FREM3: variants seen among roughly 807,000 people sequenced by gnomAD.
FREM3 encodes FRAS1 related extracellular matrix 3.
Under a neutral mutation model 129.1 loss-of-function variants are expected in FREM3, and 105 were observed. That is an observed-to-expected ratio of 0.81 (90% CI 0.69 to 0.96). The LOEUF (loss-of-function observed/expected upper bound fraction) is 0.96. FREM3 is among the 40% of genes least tolerant of loss of function. The pLI is 0.00. For missense variants in FREM3, 2,593 were observed against 2,666.3 expected (o/e 0.97, Z 0.61); for synonymous variants, 1,014 against 1,044.9 (o/e 0.97, Z 0.57).
intron 4 of FREM3, among the ~76,000 whole-genome samples, chr4:143,621,420 G>A (rs1218746470): frequency 6.6e-6 from 1 of 152,108 alleles, no homozygotes; most frequent in Non-Finnish European, 1.5e-5. Context: ...AAATCTTGCA[G>A]CAATTTCATG....
At chr4:143,582,861 A>G (rs1287827646) in intron 7 of FREM3, among the ~76,000 whole-genome samples, 3 of 151,594 alleles carry the variant, frequency 2.0e-5, no homozygotes, top group Non-Finnish European at 4.4e-5. Flanking sequence ...TCATAATACG[A>G]TTGAAAATAT....
intron 6 of FREM3, among the ~76,000 whole-genome samples, chr4:143,594,304 C>A (rs4835205): frequency 6.6e-6 from 1 of 152,070 alleles, no homozygotes; most frequent in Non-Finnish European, 1.5e-5. Context: ...AGAAATCACC[C>A]GTCTTCTGTG....
At chr4:143,603,628 TTATCTATATGAGAAAGAAAAAA>T (rs1370340856) in intron 6 of FREM3, among the ~76,000 whole-genome samples, 2 of 152,146 alleles carry the variant, frequency 1.3e-5, no homozygotes, top group Admixed American at 1.3e-4. Context: ...AATTTGTGTA[TTATCTATATGAGAAAGAAAAAA>T]AAACCTTTTT....
At position 143,698,034 on chromosome 4, in the gene FREM3, T is replaced by C. The variant is rs1740613550; in HGVS notation, c.2642A>G (p.Lys881Arg). ...AGATTCCCCTGGGACCATACATCTT[T>C]TAAAGTACTGCAAGTGTCCATGTTG... The part of the protein sequence containing the change: ...GPQHGHLQYF[K>R]RCMVPGESFM... Residue 881 changes from lysine (K) to arginine (R), a missense_variant, in exon 1 of 8, where the codon AAA (lysine) becomes AGA (arginine). Physicochemically the swap from Lys to Arg is conservative, Grantham distance 26 (BLOSUM62 2). Transcript: ENST00000329798. The C allele has an allele frequency of 6.5e-7, 1 of 1,537,244 alleles. No homozygotes were observed. The highest frequency in any genetic ancestry group is 2.0e-5 in the Admixed American group (1 of 50,988).
rs1409132694 is a variant in FREM3 at position 143,677,077 on chromosome 4, A to G, written c.5275+16036T>C. 2.6e-5 allele frequency among the ~76,000 whole-genome samples: 4 copies of G among 152,238 alleles called. No individual in the cohort carries two copies. The South Asian group carries it at 6.2e-4, about 24-fold the overall frequency. On this transcript the variant is annotated intron_variant, in intron 2 of 7. Coordinates refer to ENST00000329798, the MANE Select transcript of FREM3 (RefSeq NM_001168235.2). Reference sequence around the variant, plus strand: ...CATATGGAACCAAAAAAGAGCCCGCATTGCCAAGTCAATCCTAAGCCAAAA... The same window carrying G: ...CATATGGAACCAAAAAAGAGCCCGCGTTGCCAAGTCAATCCTAAGCCAAAA...
chr4:143,612,619 T>G (rs892360002), intron 5 of FREM3, among the ~76,000 whole-genome samples: 17 of 152,188 alleles, frequency 1.1e-4, no homozygotes, highest in African/African-American at 4.1e-4. Flanking sequence ...CACAATTACT[T>G]TTGCACCAAC....
chr4:143,667,088 G>A (rs1424063515), intron 2 of FREM3, among the ~76,000 whole-genome samples: 2 of 152,038 alleles, frequency 1.3e-5, no homozygotes, highest in African/African-American at 2.4e-5. Context: ...TGATAATAAA[G>A]TATCTGTAAT....
In FREM3 at chr4:143,621,066, T is replaced by G; in HGVS notation, c.5750A>C (p.Glu1917Ala). ...ACGTGTGGAGCAAATGACGATTAGT[T>G]CCTGGCTTGCATCTCCAGATCGTCT... is the stretch of plus-strand genomic sequence containing the variant. ...PVRRSGDASQ[E>A]LIVICSTRQG... The change falls in exon 5 of 8, where the codon GAA (glutamate) becomes GCA (alanine). Residue 1917 changes from glutamate to alanine, a missense_variant. Around this residue, in one of 2 missense-constraint regions of FREM3, gnomAD observed 317 missense variants for 399.0 expected, o/e 0.79. Transcript: ENST00000329798. 3 of 1,537,336 alleles carry G rather than the reference T, an allele frequency of 2.0e-6. No homozygotes were observed. The highest frequency in any genetic ancestry group is 2.6e-6 in the Non-Finnish European group (3 of 1,146,908).
intron 5 of FREM3, among the ~76,000 whole-genome samples, chr4:143,619,070 C>T (rs929116235): frequency 5.9e-5 from 9 of 152,202 alleles, no homozygotes; most frequent in African/African-American, 2.2e-4. Flanking sequence ...GGGGGCAGCT[C>T]TTGTCCAGTT....
intron 6 of FREM3, among the ~76,000 whole-genome samples, chr4:143,593,387 T>C (rs1367291609): frequency 7.5e-5 from 11 of 147,538 alleles, no homozygotes; most frequent in South Asian, 2.2e-4. Flanking sequence ...TGGTCTTTGA[T>C]GATGGTGACG....
At chr4:143,634,783 T>G (rs1467502772) in intron 2 of FREM3, among the ~76,000 whole-genome samples, 1 of 152,048 alleles carries the variant, frequency 6.6e-6, no homozygotes, top group East Asian at 1.9e-4. Context: ...GCTCCCTGAC[T>G]TCTGAAGTCA....
rs564668095 is a variant in FREM3 at position 143,697,460 on chromosome 4, G to C, written c.3216C>G (p.Val1072=). The C allele has an allele frequency of 6.5e-7, 1 of 1,537,234 alleles. No homozygotes were observed. Among genetic ancestry groups the C allele is most frequent in the East Asian group, 2.4e-5 (1 of 40,914 alleles). Reference sequence around the variant, plus strand: ...AGACAATGAAGGACTCCCCGACGAAGACCTTGGGTCCCACATTGTCCACAG... The same window carrying C: ...AGACAATGAAGGACTCCCCGACGAACACCTTGGGTCCCACATTGTCCACAG... ...VLPVDNVGPK[V]FVGESFIVYE... is the part of the protein sequence containing the mutation. The change falls in exon 1 of 8, where the codon GTC becomes GTG. Residue 1072 remains valine (V), a synonymous_variant. Coordinates refer to ENST00000329798, the MANE Select transcript of FREM3 (RefSeq NM_001168235.2).
intron 2 of FREM3, among the ~76,000 whole-genome samples, chr4:143,674,457 T>C (rs776923440): frequency 3.9e-5 from 6 of 152,148 alleles, no homozygotes; most frequent in Admixed American, 6.6e-5. Flanking sequence ...GTAAAGACCA[T>C]TGATGCTAGA....
intron 6 of FREM3, among the ~76,000 whole-genome samples, chr4:143,590,429 T>C (rs1738337248): frequency 6.6e-6 from 1 of 152,246 alleles, no homozygotes; most frequent in Non-Finnish European, 1.5e-5. Flanking sequence ...CCTAATTTAT[T>C]GAGAGTTTTT....
intron 2 of FREM3, among the ~76,000 whole-genome samples, chr4:143,634,134 G>A (rs1002123579): frequency 1.3e-5 from 2 of 152,048 alleles, no homozygotes; most frequent in African/African-American, 4.8e-5. Context: ...TGGGAGTTTG[G>A]TTTTAATTTG....
chr4:143,616,066 G>C (rs1278687984), intron 5 of FREM3, among the ~76,000 whole-genome samples: 1 of 152,202 alleles, frequency 6.6e-6, no homozygotes, highest in Non-Finnish European at 1.5e-5. Flanking sequence ...CACAGATTCA[G>C]ATCAAATACA....
rs886728560 is a variant in FREM3, at chr4:143,697,851, C to A, written c.2825G>T (p.Ser942Ile). ...ACTACTTCTGAGAGAGATCCTAGGA[C>A]TTCTGTTAGCCACATTGGGATGCAC... ...ISVHPNVANR[S>I]PRISLRSSSL... The change falls in exon 1 of 8, where the codon AGT (serine) becomes ATT (isoleucine). Residue 942 changes from serine to isoleucine, a missense_variant. Transcript: ENST00000329798. The A allele has an allele frequency of 6.5e-7, 1 of 1,537,800 alleles. No homozygotes were observed. Among genetic ancestry groups the A allele is most frequent in the Non-Finnish European group, 8.7e-7 (1 of 1,147,016 alleles).
At chr4:143,676,902 C>A (rs1231470372) in intron 2 of FREM3, among the ~76,000 whole-genome samples, 2 of 152,064 alleles carry the variant, frequency 1.3e-5, no homozygotes, top group African/African-American at 4.8e-5. Context: ...AGGATACAAA[C>A]AAATGGAAGA....
intron 6 of FREM3, among the ~76,000 whole-genome samples, chr4:143,610,526 C>G (rs191241147): frequency 2.0e-5 from 3 of 152,158 alleles, no homozygotes; most frequent in Non-Finnish European, 2.9e-5. Flanking sequence ...TCTAACCCTT[C>G]TTAGGTCTGA....
Sources: allele counts gnomAD v4.1 joint callset (sites outside exome capture counted in the v4.1 genomes callset), GRCh38; gene constraint gnomAD v4.1.1; regional missense constraint gnomAD v4.1.1; transcripts MANE v1.5; gene names NCBI Gene and HGNC (gene_info 2026-07-23, HGNC 2026-07-21).